Variants in DUXB observed in about 807,000 individuals in gnomAD.
The protein encoded by DUXB is double homeobox protein B.
DUXB carries 22 observed loss-of-function variants against 8.9 expected under a neutral mutation model. The observed-to-expected ratio is 2.46, with a 90% CI of 1.76 to 3.52. The LOEUF is 3.52. Ranked by LOEUF, DUXB falls within the 30% of genes most tolerant of loss-of-function variation. DUXB has a pLI of 0.00. For synonymous variants in DUXB, 84 were observed against 37.6 expected (o/e 2.23, Z -4.52); for missense variants, 237 against 108.7 (o/e 2.18, Z -5.25).
At chr16:75,699,583 G>A (rs1490919721) in intron 2 of DUXB, among the ~76,000 whole-genome samples, 1 of 145,006 alleles carries the variant, frequency 6.9e-6, no homozygotes, top group Non-Finnish European at 1.5e-5. Context: ...TTTTTGAGAC[G>A]GAGTCTCGCT....
Position 75,694,502 on chromosome 16 carries a change from A to G in DUXB, c.465T>C (p.Ser155=), listed in dbSNP as rs1280265318. 1.4e-6 allele frequency: 1 copy of G among 702,978 alleles called. No homozygotes were observed. The highest frequency in any genetic ancestry group is 1.7e-5 in the African/African-American group (1 of 57,262). 43.5% of individuals were successfully genotyped at this position (702,978 alleles called of 1,614,324 possible). ...RIQMWFQKQR[S]LYLKKSRMEP... ...CCATTCTGCTCTTCTTGAGGTACAG[A>G]GATCTTTGTTTCTGAAACCACATCT... The change falls in exon 5 of 5, where the codon TCT becomes TCC. Residue 155 remains serine, a synonymous_variant. Transcript: ENST00000633875.
At chr16:75,700,919 T>A (rs1959206824) in intron 1 of DUXB, among the ~76,000 whole-genome samples, 1 of 152,044 alleles carries the variant, frequency 6.6e-6, no homozygotes. Context: ...TGACCTAAGT[T>A]TCCAAAGAGA....
chr16:75,694,417 G>A lies in DUXB; in HGVS notation c.550C>T (p.His184Tyr), dbSNP rs1024934008. 4.3e-6 allele frequency: 3 copies of A among 699,018 alleles called. No homozygotes were observed. The highest frequency in any genetic ancestry group is 7.8e-6 in the Non-Finnish European group (3 of 384,026). The allele number at this position is 699,018 out of a possible 1,614,324, so 43.3% of individuals were successfully genotyped here. ...NERPDATVGW[H>Y]PINLFLPTDS... ...GTGGGGAGGAACAGGTTGATTGGATGCCACCCAACAGTTGCATCTGGTCTC... is the reference window on the plus strand; with the variant it reads ...GTGGGGAGGAACAGGTTGATTGGATACCACCCAACAGTTGCATCTGGTCTC... Residue 184 changes from histidine to tyrosine, a missense_variant, in exon 5 of 5, where the codon CAT becomes TAT. His to Tyr is a moderately conservative substitution (Grantham distance 83). Coordinates refer to ENST00000633875, the MANE Select transcript of DUXB (RefSeq NM_001351307.2).
At chr16:75,695,041 TGA>T (rs1395527581) in intron 4 of DUXB, among the ~76,000 whole-genome samples, 2 of 152,232 alleles carry the variant, frequency 1.3e-5, no homozygotes, top group Non-Finnish European at 2.9e-5. Flanking sequence ...CTTTTTTATG[TGA>T]GTTTGAGAAA....
rs1201997213 is a variant in DUXB, at chr16:75,695,875, CAA to C, written c.441+84_441+85del. The C allele has an allele frequency of 1.4e-5, 9 of 662,120 alleles. No individual in the cohort carries two copies. The East Asian group carries it at 1.9e-4, about 14-fold the overall frequency. The allele number at this position is 662,120 out of a possible 1,614,324, so 41.0% of individuals were successfully genotyped here. Reference sequence around the variant, plus strand: ...TCCGCCCTTGATGACTTTGATAACCCAAGTCAGCTGTAAGTTTTTCAATAACA... The same window carrying C: ...TCCGCCCTTGATGACTTTGATAACCCGTCAGCTGTAAGTTTTTCAATAACA... On this transcript the variant is annotated intron_variant, in intron 4 of 4. Coordinates refer to ENST00000633875, the MANE Select transcript of DUXB (RefSeq NM_001351307.2).
In DUXB at chr16:75,696,944, C is replaced by G. The variant is rs921585050; in HGVS notation, c.181-1G>C. On this transcript the variant is annotated splice_acceptor_variant, in intron 2 of 4. Coordinates refer to ENST00000633875, the MANE Select transcript of DUXB (RefSeq NM_001351307.2). LOFTEE classifies it high-confidence loss of function. Reference sequence around the variant, plus strand: ...TTACTCTGTAATTTTTAAACCAAACCTAAGTAGGAGAAGAAGATGTGATAG... The same window carrying G: ...TTACTCTGTAATTTTTAAACCAAACGTAAGTAGGAGAAGAAGATGTGATAG... The G allele has an allele frequency of 6.0e-5, 42 of 701,560 alleles. No individual in the cohort carries two copies. The highest frequency in any genetic ancestry group is 9.6e-5 in the Non-Finnish European group (37 of 384,626). The allele number at this position is 701,560 out of a possible 1,614,324, so 43.5% of individuals were successfully genotyped here.
rs1959210000 is a variant in DUXB, at chr16:75,701,421, T to A, written c.-3A>T. On this transcript the variant is annotated 5_prime_UTR_variant, in exon 1 of 5. Transcript: ENST00000633875. ...CCTGAAGTGCCCTCCAAATTCATCT[T>A]GGGCAGAAGACCTGGACTCCACGGA... 15 of 398,512 alleles carry A rather than the reference T, an allele frequency of 3.8e-5. No homozygotes were observed. The highest frequency in any genetic ancestry group is 6.2e-4 in the Middle Eastern group (1 of 1,612). The allele number at this position is 398,512 out of a possible 1,614,324, so 24.7% of individuals were successfully genotyped here. A position where few individuals can be genotyped will look rare whatever the true frequency, so the allele number is the denominator to read the frequency against.
rs1164785528 is a variant in DUXB, at chr16:75,694,170, G to C, written c.797C>G (p.Thr266Arg). The C allele has an allele frequency of 6.4e-6, 3 of 472,168 alleles. No individual in the cohort carries two copies. In the East Asian group the frequency reaches 9.9e-5, roughly 16 times the overall value. 29.2% of individuals were successfully genotyped at this position (472,168 alleles called of 1,614,324 possible). A position where few individuals can be genotyped will look rare whatever the true frequency, so the allele number is the denominator to read the frequency against. ...GGGAGTCGGAGTATCTAAGTCCTTT[G>C]TCAGAATTGGCAGTGTCAGGAGGTG... ...PNHLLTLPIL[T>R]KDLDTPTPFW... is the part of the protein sequence containing the mutation. Residue 266 changes from threonine to arginine, a missense_variant, in exon 5 of 5, where the codon ACA becomes AGA. Physicochemically the swap from Thr to Arg is moderately conservative, Grantham distance 71. Coordinates refer to ENST00000633875, the MANE Select transcript of DUXB (RefSeq NM_001351307.2).
intron 2 of DUXB, 24 bp downstream of exon 2, chr16:75,699,991 A>G (rs1959201518): frequency 4.4e-6 from 3 of 684,420 alleles, no homozygotes; most frequent in Non-Finnish European, 7.9e-6. Flanking sequence ...CTGACAGGTA[A>G]TGAAGTAGAA....
At chr16:75,697,658 T>A (rs969670213) in intron 2 of DUXB, among the ~76,000 whole-genome samples, 3 of 152,200 alleles carry the variant, frequency 2.0e-5, no homozygotes, top group Non-Finnish European at 4.4e-5. Context: ...ACAACGAATA[T>A]CCAATAAACC....
At chr16:75,698,123 G>A (rs904837461) in intron 2 of DUXB, among the ~76,000 whole-genome samples, 24 of 152,178 alleles carry the variant, frequency 1.6e-4, no homozygotes, top group Admixed American at 1.2e-3. Context: ...GATGGAAACT[G>A]GAAACAAGTG....
chr16:75,695,985 T>C lies in DUXB; in HGVS notation c.417A>G (p.Thr139=). ...CTTGAATTCTTGATTCCTGCAGGCCTGTTTGTTCAGCCAGTTTTTTTCTGG... is the reference window on the plus strand; with the variant it reads ...CTTGAATTCTTGATTCCTGCAGGCCCGTTTGTTCAGCCAGTTTTTTTCTGG... ...IATRKKLAEQ[T]GLQESRIQMW... The change falls in exon 4 of 5, where the codon ACA becomes ACG. Residue 139 remains threonine (T), a synonymous_variant. Transcript: ENST00000633875. The C allele has an allele frequency of 1.4e-6, 1 of 703,042 alleles. No individual in the cohort carries two copies. Among genetic ancestry groups the C allele is most frequent in the East Asian group, 2.7e-5 (1 of 37,286 alleles). The allele number at this position is 703,042 out of a possible 1,614,324, so 43.6% of individuals were successfully genotyped here.
intron 2 of DUXB, among the ~76,000 whole-genome samples, 158 bp from the exon 3 acceptor site, chr16:75,697,101 G>C (rs1054870418): frequency 2.6e-5 from 4 of 152,134 alleles, no homozygotes; most frequent in Admixed American, 2.6e-4. Flanking sequence ...TGCTGCTATT[G>C]GCATATGATT....
intron 4 of DUXB, among the ~76,000 whole-genome samples, chr16:75,695,268 A>T (rs1567521323): frequency 6.6e-6 from 1 of 152,236 alleles, no homozygotes; most frequent in Non-Finnish European, 1.5e-5. Flanking sequence ...GCAACAATGG[A>T]TCAGCAAAAA....
In DUXB at chr16:75,696,939, C is replaced by G; in HGVS notation, c.185G>C (p.Trp62Ser). The G allele has an allele frequency of 1.4e-6, 1 of 702,080 alleles. No homozygotes were observed. Among genetic ancestry groups the G allele is most frequent in the African/African-American group, 1.7e-5 (1 of 57,292 alleles). 43.5% of individuals were successfully genotyped at this position (702,080 alleles called of 1,614,324 possible). The change falls in exon 3 of 5, where the codon TGG becomes TCG. Residue 62 changes from tryptophan (W) to serine (S), a missense_variant. Trp to Ser is a radical substitution (Grantham distance 177). Coordinates refer to ENST00000633875, the MANE Select transcript of DUXB (RefSeq NM_001351307.2). ...CTGTTTTACTCTGTAATTTTTAAAC[C>G]AAACCTAAGTAGGAGAAGAAGATGT... ...IGVPESNIQVWFKNYRVKQRK... is the reference protein window; with the variant it reads ...IGVPESNIQVSFKNYRVKQRK...
rs144098743 is a variant in DUXB, at chr16:75,695,576, G to T, written c.441+385C>A. On this transcript the variant is annotated intron_variant, in intron 4 of 4. Transcript: ENST00000633875. ...TGATTTATTTGGTTGTCACAAATAG[G>T]GGGGAGAGAATGTGGGCAGTTGCTT... Among the ~76,000 whole-genome samples the T allele has an allele frequency of 3.9e-3, 597 of 152,296 alleles. 3 individuals carry two copies. Among genetic ancestry groups the T allele is most frequent in the African/African-American group, 0.013 (554 of 41,556 alleles).
chr16:75,699,244 CTA>C (rs1477277252), intron 2 of DUXB, among the ~76,000 whole-genome samples: 1 of 152,166 alleles, frequency 6.6e-6, no homozygotes, highest in Admixed American at 6.5e-5. Context: ...ATTTCAAACG[CTA>C]TGTGTATGAA....
intron 2 of DUXB, chr16:75,698,829 G>A (rs1399521000): frequency 6.6e-6 from 1 of 152,198 alleles, no homozygotes; most frequent in Admixed American, 6.5e-5. Context: ...ACACCACCAT[G>A]AGAAGGAATC....
rs183325581 is a variant in DUXB at position 75,695,336 on chromosome 16, C to T, written c.441+625G>A. ...CTTCACGGATGTGTGCATAAGAATT[C>T]GTAGTTTGTGTACATGTGTATTCAT... On this transcript the variant is annotated intron_variant, in intron 4 of 4. Transcript: ENST00000633875. Among the ~76,000 whole-genome samples, 146 of 152,264 alleles carry T rather than the reference C, an allele frequency of 9.6e-4. 2 individuals carry two copies. Among genetic ancestry groups the T allele is most frequent in the Middle Eastern group, 3.4e-3 (1 of 294 alleles).
Sources: allele counts gnomAD v4.1 joint callset (sites outside exome capture counted in the v4.1 genomes callset), GRCh38; gene constraint gnomAD v4.1.1; transcripts MANE v1.5; gene names NCBI Gene and HGNC (gene_info 2026-07-23, HGNC 2026-07-21).